C1QTNF3: variants seen among roughly 807,000 people sequenced by gnomAD.
The protein encoded by C1QTNF3 is C1q and TNF related 3.
In C1QTNF3, 26 loss-of-function variants were observed where a neutral mutation model predicts 32.6. That is an observed-to-expected ratio of 0.80 (90% CI 0.58 to 1.11). C1QTNF3 has a LOEUF of 1.11. Ranked by LOEUF, C1QTNF3 falls within the 50% of genes least tolerant of loss-of-function variation. C1QTNF3 has a pLI of 0.00. For missense variants in C1QTNF3, 362 were observed against 398.2 expected (o/e 0.91, Z 0.77); for synonymous variants, 155 against 146.0 (o/e 1.06, Z -0.44).
chr5:34,031,804 C>A (rs1235406119), intron 3 of C1QTNF3, among the ~76,000 whole-genome samples: 1 of 152,168 alleles, frequency 6.6e-6, no homozygotes, highest in Non-Finnish European at 1.5e-5. Context: ...TGCACTCCAG[C>A]CTGTGCACAC....
At chr5:34,231,616 C>A in the C1QTNF3 span, among the ~76,000 whole-genome samples, 1 of 152,170 alleles carries the variant, frequency 6.6e-6, no homozygotes, top group Non-Finnish European at 1.5e-5. Context: ...CAGGCCATTG[C>A]TTCAGAGAAT....
chr5:34,212,538 G>T, the C1QTNF3 span, among the ~76,000 whole-genome samples: 2 of 151,772 alleles, frequency 1.3e-5, no homozygotes, highest in Non-Finnish European at 2.9e-5. Context: ...AATCTACAAT[G>T]AACTCAAACA....
the C1QTNF3 span, among the ~76,000 whole-genome samples, chr5:34,177,874 C>T: frequency 2.0e-5 from 3 of 151,764 alleles, no homozygotes; most frequent in African/African-American, 4.8e-5. Flanking sequence ...CCTCTGACTT[C>T]GGTCTCCCAA....
At chr5:34,127,000 G>A in the C1QTNF3 span, among the ~76,000 whole-genome samples, 1 of 152,148 alleles carries the variant, frequency 6.6e-6, no homozygotes, top group South Asian at 2.1e-4. Context: ...CCCGTTTTGT[G>A]CTCTCTCCTG....
intron 3 of C1QTNF3, among the ~76,000 whole-genome samples, chr5:34,032,402 G>T (rs1195964998): frequency 6.6e-6 from 1 of 152,190 alleles, no homozygotes; most frequent in Non-Finnish European, 1.5e-5. Context: ...ACTTTATGCT[G>T]AAATGAATGT....
the C1QTNF3 span, among the ~76,000 whole-genome samples, chr5:34,226,979 G>C: frequency 1.1e-3 from 169 of 151,896 alleles, 2 homozygotes; most frequent in Middle Eastern, 6.8e-3. Flanking sequence ...TCAAGCAATT[G>C]ATTGTTTTCC....
At chr5:34,211,067 C>T in the C1QTNF3 span, among the ~76,000 whole-genome samples, 1 of 151,172 alleles carries the variant, frequency 6.6e-6, no homozygotes, top group South Asian at 2.1e-4. Context: ...GTAATTGACT[C>T]TACCTATTAT....
the C1QTNF3 span, among the ~76,000 whole-genome samples, chr5:34,235,091 C>T: frequency 6.6e-6 from 1 of 152,090 alleles, no homozygotes; most frequent in Non-Finnish European, 1.5e-5. Context: ...AAGATGACCA[C>T]TTTAAGGTCA....
chr5:34,042,978 T>C lies in C1QTNF3; in HGVS notation c.148A>G (p.Ser50Gly), dbSNP rs1389178542. The C allele has an allele frequency of 1.9e-6, 3 of 1,614,120 alleles. No homozygotes were observed. In the African/African-American group the frequency reaches 4.0e-5, roughly 22 times the overall value. Residue 50 changes from serine (S) to glycine (G), a missense_variant, in exon 1 of 6, where the codon AGC (serine) becomes GGC (glycine). Ser to Gly is a moderately conservative substitution (Grantham distance 56). Coordinates refer to ENST00000382065, the MANE Select transcript of C1QTNF3 (RefSeq NM_181435.6). ...IVQSHQQTGR[S>G]GSRREKVRER... ...CTCACTTTCTCCCTCCTGGAGCCGC[T>C]ACGGCCAGTCTGCTGGTGGCTTTGC... is the stretch of plus-strand genomic sequence containing the variant.
intron 1 of C1QTNF3, 131 bp downstream of exon 1, chr5:34,042,692 G>A: frequency 2.4e-6 from 2 of 846,930 alleles, no homozygotes; most frequent in Non-Finnish European, 3.7e-6. Flanking sequence ...AGATTCACAA[G>A]CAGCTTAGCG....
the C1QTNF3 span, among the ~76,000 whole-genome samples, chr5:34,057,968 C>G: frequency 6.6e-6 from 1 of 152,174 alleles, no homozygotes; most frequent in South Asian, 2.1e-4. Context: ...AGACCTGCCT[C>G]CCTGCCTTGG....
chr5:34,218,409 C>T, the C1QTNF3 span: 2 of 151,318 alleles, frequency 1.3e-5, no homozygotes, highest in East Asian at 2.0e-4. Flanking sequence ...TGCTCTTTCA[C>T]TCTGTTGCAT....
chr5:34,202,758 C>T, the C1QTNF3 span, among the ~76,000 whole-genome samples: 2 of 151,794 alleles, frequency 1.3e-5, no homozygotes, highest in South Asian at 2.1e-4. Flanking sequence ...TAATAATAAG[C>T]TGCATACTTT....
chr5:34,236,089 T>C, the C1QTNF3 span, among the ~76,000 whole-genome samples: 1 of 152,216 alleles, frequency 6.6e-6, no homozygotes, highest in African/African-American at 2.4e-5. Flanking sequence ...TGTTGGGATT[T>C]TGGAGACTAA....
the C1QTNF3 span, among the ~76,000 whole-genome samples, chr5:34,210,761 G>A: frequency 1.3e-5 from 2 of 152,126 alleles, no homozygotes; most frequent in Admixed American, 6.5e-5. Flanking sequence ...TCCTTTGTGA[G>A]TGTGAACTAT....
chr5:34,039,012 T>C (rs1360798123), intron 1 of C1QTNF3, among the ~76,000 whole-genome samples: 1 of 152,102 alleles, frequency 6.6e-6, no homozygotes. Flanking sequence ...CCCAATAAGA[T>C]CTCAGGAGTT....
chr5:34,031,751 C>G (rs1352130505), intron 3 of C1QTNF3, among the ~76,000 whole-genome samples: 1 of 152,174 alleles, frequency 6.6e-6, no homozygotes, highest in Non-Finnish European at 1.5e-5. Flanking sequence ...AAGAGAATCG[C>G]TTGAACCTTG....
At chr5:34,237,394 T>C in the C1QTNF3 span, among the ~76,000 whole-genome samples, 6 of 152,334 alleles carry the variant, frequency 3.9e-5, no homozygotes, top group East Asian at 1.2e-3. Context: ...TCTGGAAGTG[T>C]AGCTGTGCTA....
the C1QTNF3 span, among the ~76,000 whole-genome samples, chr5:34,160,637 T>C: frequency 6.6e-6 from 1 of 152,144 alleles, no homozygotes; most frequent in Non-Finnish European, 1.5e-5. Context: ...CACCACTTAC[T>C]AAATGTGTGA....
Sources: gnomAD v4.1 joint callset for allele counts (sites outside exome capture counted in the v4.1 genomes callset) on GRCh38, gnomAD v4.1.1 for gene constraint, MANE v1.5 for transcripts, NCBI Gene and HGNC (gene_info 2026-07-23, HGNC 2026-07-21) for gene names.